CENPP: variants seen among roughly 807,000 people sequenced by gnomAD.
The protein encoded by CENPP is centromere protein P.
Under a neutral mutation model 35.6 loss-of-function variants are expected in CENPP, and 24 were observed. The observed-to-expected ratio is 0.67, with a 90% confidence interval of 0.49 to 0.95. The LOEUF is 0.95. Among genes scored for constraint, CENPP ranks in the 40% least tolerant of loss-of-function variants. The probability of loss-of-function intolerance (pLI) is 0.00; values close to 1 mark genes in which losing one functional copy is unlikely to be tolerated. For missense variants in CENPP, 332 were observed against 345.3 expected, an observed-to-expected ratio of 0.96 and a Z score of 0.31; for synonymous variants, 120 against 125.5, an observed-to-expected ratio of 0.96 and a Z score of 0.29.
At chr9:92,357,452 C>A (rs1441976643) in intron 4 of CENPP, among the ~76,000 whole-genome samples, 2 of 148,098 alleles carry the variant, frequency 1.4e-5, no homozygotes, top group Non-Finnish European at 3.0e-5. Context: ...TCCCTTTGAT[C>A]ATCTCCCTCA....
At chr9:92,429,467 A>G (rs1276105863) in intron 5 of CENPP, among the ~76,000 whole-genome samples, 2 of 152,224 alleles carry the variant, frequency 1.3e-5, no homozygotes, top group African/African-American at 2.4e-5. Context: ...TCCTTAACTC[A>G]GCATCTGAAT....
At chr9:92,604,294 A>C (rs1269948628) in intron 5 of CENPP, among the ~76,000 whole-genome samples, 5 of 152,218 alleles carry the variant, frequency 3.3e-5, no homozygotes, top group Non-Finnish European at 7.3e-5. Context: ...ATGACTAATG[A>C]TGTATCTTTT....
At chr9:92,546,868 T>A (rs1158878590) in intron 5 of CENPP, among the ~76,000 whole-genome samples, 1 of 152,158 alleles carries the variant, frequency 6.6e-6, no homozygotes, top group Middle Eastern at 3.4e-3. Flanking sequence ...GGATATTGAG[T>A]TCATAATTTC....
intron 5 of CENPP, among the ~76,000 whole-genome samples, chr9:92,406,014 A>C (rs1265974122): frequency 2.6e-5 from 4 of 152,166 alleles, no homozygotes; most frequent in Admixed American, 2.0e-4. Context: ...GGCTTGCTAC[A>C]CAGAAATATG....
intron 4 of CENPP, among the ~76,000 whole-genome samples, chr9:92,378,912 A>G (rs1588073402): frequency 6.6e-6 from 1 of 152,158 alleles, no homozygotes; most frequent in East Asian, 1.9e-4. Context: ...CAGTTCTCAC[A>G]CTAACAGACC....
At chr9:92,549,063 A>C (rs1166443502) in intron 5 of CENPP, among the ~76,000 whole-genome samples, 3 of 152,224 alleles carry the variant, frequency 2.0e-5, no homozygotes. Context: ...ACAGTGGCAC[A>C]GAAAGACAGC....
rs1851408252 is a variant in CENPP, at chr9:92,615,725, A to G, written c.*2576A>G. The G allele has an allele frequency of 1.1e-6, 1 of 919,090 alleles. No homozygotes were observed. Among genetic ancestry groups the G allele is most frequent in the East Asian group, 2.6e-5 (1 of 39,188 alleles). The allele number at this position is 919,090 out of a possible 1,614,324, so 56.9% of individuals were successfully genotyped here. ...AGGCAATCCCACCTCAAAAGGGGTT[A>G]AAAGCAAAAACATTCACAACCAAAG... is the stretch of plus-strand genomic sequence containing the variant. On this transcript the variant is annotated 3_prime_UTR_variant, in exon 8 of 8. Transcript: ENST00000375587.
intron 5 of CENPP, chr9:92,536,209 T>C (rs1849154764): frequency 2.8e-6 from 1 of 355,318 alleles, no homozygotes; most frequent in Non-Finnish European, 5.3e-6. Flanking sequence ...AAAACAGCAG[T>C]GGGTGTGGGG....
chr9:92,517,972 A>G, intron 5 of CENPP: 2 of 1,375,728 alleles, frequency 1.5e-6, no homozygotes, highest in Non-Finnish European at 2.0e-6. Context: ...TGCTCTAACC[A>G]CACAAGAATA....
chr9:92,557,540 T>C (rs1364967064), intron 5 of CENPP, among the ~76,000 whole-genome samples: 1 of 152,234 alleles, frequency 6.6e-6, no homozygotes, highest in Admixed American at 6.5e-5. Flanking sequence ...TTCTCTGTCT[T>C]TGTTGGACTG....
intron 5 of CENPP, among the ~76,000 whole-genome samples, chr9:92,572,354 G>C (rs1029618012): frequency 6.6e-6 from 1 of 152,152 alleles, no homozygotes; most frequent in South Asian, 2.1e-4. Flanking sequence ...ATGAAGTTTA[G>C]TTTGGCTGGA....
chr9:92,513,145 C>G (rs1051887643), intron 5 of CENPP, among the ~76,000 whole-genome samples: 2 of 152,186 alleles, frequency 1.3e-5, no homozygotes, highest in Non-Finnish European at 2.9e-5. Context: ...TCCTGCTGCT[C>G]CCAGCACCCA....
At chr9:92,429,410 G>A (rs919968714) in intron 5 of CENPP, among the ~76,000 whole-genome samples, 2 of 152,130 alleles carry the variant, frequency 1.3e-5, no homozygotes, top group Non-Finnish European at 2.9e-5. Flanking sequence ...TGAATACTTG[G>A]CTAAAGTCTA....
chr9:92,571,981 T>G (rs1850155647), intron 5 of CENPP, among the ~76,000 whole-genome samples: 2 of 151,774 alleles, frequency 1.3e-5, no homozygotes, highest in African/African-American at 4.8e-5. Context: ...CCTATGTGTG[T>G]CTCTGCACAT....
chr9:92,515,232 G>C lies in CENPP; in HGVS notation c.565-96082G>C, dbSNP rs531572399. The C allele has an allele frequency of 5.5e-4, 815 of 1,481,776 alleles. 6 individuals are homozygous for C. The South Asian group carries it at 0.012, about 22-fold the overall frequency. The allele number at this position is 1,481,776 out of a possible 1,614,324, so 91.8% of individuals were successfully genotyped here. On this transcript the variant is annotated intron_variant, in intron 5 of 7. Coordinates refer to ENST00000375587, the MANE Select transcript of CENPP (RefSeq NM_001012267.3). The stretch of plus-strand genomic sequence containing the variant: ...ATGACCACGCAAGGATGAGGTAGCA[G>C]AGATAAGTTGATGATATTAATAAAA...
At chr9:92,484,729 C>T (rs1846015860) in intron 5 of CENPP, among the ~76,000 whole-genome samples, 1 of 152,206 alleles carries the variant, frequency 6.6e-6, no homozygotes, top group Admixed American at 6.5e-5. Context: ...AGGATGTTGT[C>T]CACGTCACCC....
At chr9:92,610,150 G>A (rs749924986) in intron 5 of CENPP, among the ~76,000 whole-genome samples, 7 of 152,204 alleles carry the variant, frequency 4.6e-5, no homozygotes, top group African/African-American at 4.8e-5. Flanking sequence ...CTGCCTCACA[G>A]GTTTAAGCGA....
intron 4 of CENPP, among the ~76,000 whole-genome samples, chr9:92,372,376 T>A (rs1030577059): frequency 1.3e-5 from 2 of 152,142 alleles, no homozygotes; most frequent in Admixed American, 1.3e-4. Context: ...TATTGATATA[T>A]GAGGCTTTGT....
intron 3 of CENPP, among the ~76,000 whole-genome samples, chr9:92,344,324 C>T (rs1841214050): frequency 6.6e-6 from 1 of 152,154 alleles, no homozygotes; most frequent in Non-Finnish European, 1.5e-5. Context: ...TGAAATCTAA[C>T]ATGTATCTAC....
Sources: allele counts gnomAD v4.1 joint callset (sites outside exome capture counted in the v4.1 genomes callset), GRCh38; gene constraint gnomAD v4.1.1; transcripts MANE v1.5; gene names NCBI Gene and HGNC (gene_info 2026-07-23, HGNC 2026-07-21).